The following KCND2 variants were observed in gnomAD, a reference collection of about 807,000 sequenced individuals.
The protein encoded by KCND2 is A-type voltage-gated potassium channel KCND2.
In KCND2, 16 loss-of-function variants were observed where a neutral mutation model predicts 54.4. The observed-to-expected ratio is 0.29, with a 90% CI of 0.20 to 0.45. KCND2 has a LOEUF of 0.45. Among genes scored for constraint, KCND2 ranks in the 20% least tolerant of loss-of-function variants. KCND2 has a pLI of 1.00. For synonymous variants in KCND2, 317 were observed against 310.7 expected (o/e 1.02, Z -0.21); for missense variants, 486 against 824.2 (o/e 0.59, Z 5.02).
chr7:120,539,115 T>G (rs6950392), intron 1 of KCND2, among the ~76,000 whole-genome samples: 9,732 of 152,214 alleles, frequency 0.064, 642 homozygotes, highest in African/African-American at 0.18. Flanking sequence ...ATATTATAGC[T>G]AATAAAGCAA....
At chr7:120,396,087 TAA>T (rs1308627879) in intron 1 of KCND2, among the ~76,000 whole-genome samples, 1 of 141,594 alleles carries the variant, frequency 7.1e-6, no homozygotes, top group Non-Finnish European at 1.5e-5. Flanking sequence ...AACTTTTAAA[TAA>T]AGTCAGATTA....
intron 1 of KCND2, among the ~76,000 whole-genome samples, chr7:120,326,938 G>C (rs1036546446): frequency 6.6e-6 from 1 of 152,018 alleles, no homozygotes; most frequent in African/African-American, 2.4e-5. Context: ...ATGTCTAATA[G>C]ATCTGGTAGG....
chr7:120,742,397 A>G, intron 3 of KCND2, 113 bp from the exon 4 acceptor site: 4 of 872,544 alleles, frequency 4.6e-6, no homozygotes, highest in Admixed American at 1.7e-5. Context: ...TAGTTAGAAA[A>G]AAATAAAATG....
chr7:120,528,598 A>ATG (rs1291320089), intron 1 of KCND2, among the ~76,000 whole-genome samples: 3 of 152,136 alleles, frequency 2.0e-5, no homozygotes, highest in Admixed American at 2.0e-4. Context: ...CTTTTAGTAC[A>ATG]TGGGGCAGAA....
chr7:120,310,102 G>A (rs1799715365), intron 1 of KCND2, among the ~76,000 whole-genome samples: 1 of 152,272 alleles, frequency 6.6e-6, no homozygotes, highest in Admixed American at 6.5e-5. Flanking sequence ...CCCTATGATA[G>A]CACTGATGGC....
chr7:120,627,595 T>C (rs1793179229), intron 1 of KCND2, among the ~76,000 whole-genome samples: 1 of 152,176 alleles, frequency 6.6e-6, no homozygotes, highest in Non-Finnish European at 1.5e-5. Context: ...TATGTCCTTC[T>C]AGCAGTCACA....
intron 1 of KCND2, among the ~76,000 whole-genome samples, chr7:120,597,292 A>G (rs1024047809): frequency 3.3e-5 from 5 of 152,214 alleles, no homozygotes; most frequent in African/African-American, 4.8e-5. Flanking sequence ...GGAGTCAAAG[A>G]TAAAAGTTTC....
chr7:120,736,327 C>G (rs1362989346), intron 2 of KCND2, among the ~76,000 whole-genome samples: 1 of 152,018 alleles, frequency 6.6e-6, no homozygotes, highest in Non-Finnish European at 1.5e-5. Flanking sequence ...TTCTATCAAT[C>G]ATTGATAAAG....
intron 1 of KCND2, among the ~76,000 whole-genome samples, chr7:120,575,972 C>T (rs932003546): frequency 2.3e-4 from 1 of 4,376 alleles, no homozygotes; most frequent in African/African-American, 7.1e-4. Context: ...TGCTGTGTTA[C>T]AAAACTAAGC....
chr7:120,482,788 C>T (rs1802625324), intron 1 of KCND2, among the ~76,000 whole-genome samples: 1 of 152,056 alleles, frequency 6.6e-6, no homozygotes, highest in South Asian at 2.1e-4. Context: ...TAGTCTGTGG[C>T]ATTCTGTTAT....
At chr7:120,298,447 G>C (rs889046564) in intron 1 of KCND2, among the ~76,000 whole-genome samples, 1 of 152,156 alleles carries the variant, frequency 6.6e-6, no homozygotes, top group East Asian at 1.9e-4. Context: ...TTTCAGTCCA[G>C]GTGTTTGGTG....
intron 1 of KCND2, among the ~76,000 whole-genome samples, chr7:120,349,983 A>G (rs1390069606): frequency 6.6e-6 from 1 of 152,052 alleles, no homozygotes; most frequent in African/African-American, 2.4e-5. Context: ...ATGTATATAT[A>G]CTATATAATA....
intron 1 of KCND2, among the ~76,000 whole-genome samples, chr7:120,333,810 C>T (rs1800104519): frequency 6.6e-6 from 1 of 152,064 alleles, no homozygotes; most frequent in Admixed American, 6.6e-5. Context: ...ATTATGGTTG[C>T]TCAGTATTAC....
chr7:120,567,474 A>C (rs1034240016), intron 1 of KCND2, among the ~76,000 whole-genome samples: 1 of 152,158 alleles, frequency 6.6e-6, no homozygotes, highest in African/African-American at 2.4e-5. Context: ...AAATTTGTCA[A>C]CATTTTGAAA....
intron 1 of KCND2, among the ~76,000 whole-genome samples, chr7:120,364,025 C>G (rs1461821431): frequency 6.6e-6 from 1 of 152,112 alleles, no homozygotes; most frequent in Non-Finnish European, 1.5e-5. Flanking sequence ...TAATCCTCCA[C>G]CTTTGTCTGT....
chr7:120,290,857 T>C (rs1799426046), intron 1 of KCND2, among the ~76,000 whole-genome samples: 1 of 151,968 alleles, frequency 6.6e-6, no homozygotes, highest in Admixed American at 6.6e-5. Flanking sequence ...CCATGACCAA[T>C]TAGTGCTGTT....
At chr7:120,695,326 A>G (rs1792320452) in intron 1 of KCND2, among the ~76,000 whole-genome samples, 1 of 152,054 alleles carries the variant, frequency 6.6e-6, no homozygotes, top group African/African-American at 2.4e-5. Flanking sequence ...ACAACAACAA[A>G]ATGCAGAAAA....
chr7:120,553,265 T>C (rs1312486914), intron 1 of KCND2, among the ~76,000 whole-genome samples: 1 of 152,224 alleles, frequency 6.6e-6, no homozygotes, highest in Non-Finnish European at 1.5e-5. Context: ...TCTTTGTGTG[T>C]CTGGCTTATT....
intron 1 of KCND2, among the ~76,000 whole-genome samples, chr7:120,278,878 A>T (rs960094039): frequency 6.6e-6 from 1 of 151,860 alleles, no homozygotes; most frequent in South Asian, 2.1e-4. Flanking sequence ...ATTTTTTTTA[A>T]GTGTTTAGAT....
Sources: gnomAD v4.1 joint callset for allele counts (sites outside exome capture counted in the v4.1 genomes callset) on GRCh38, gnomAD v4.1.1 for gene constraint, MANE v1.5 for transcripts, NCBI Gene and HGNC (gene_info 2026-07-23, HGNC 2026-07-21) for gene names.